The following NPAS3 variants were observed in gnomAD, a reference collection of about 807,000 sequenced individuals.
NPAS3 encodes neuronal PAS domain-containing protein 3.
In NPAS3, 14 loss-of-function variants were observed where a neutral mutation model predicts 73.1. The observed-to-expected ratio is 0.19, with a 90% CI of 0.13 to 0.30. NPAS3 has a LOEUF of 0.30. Ranked by LOEUF, NPAS3 falls within the 10% of genes least tolerant of loss-of-function variation. The pLI, the probability that NPAS3 is intolerant of heterozygous loss-of-function variation, is 1.00. For missense variants in NPAS3, 1,096 were observed against 1,250.0 expected, an observed-to-expected ratio of 0.88 and a Z score of 1.86; for synonymous variants, 620 against 541.5, an observed-to-expected ratio of 1.14 and a Z score of -2.01.
intron 4 of NPAS3, among the ~76,000 whole-genome samples, chr14:33,486,839 T>G (rs1413866391): frequency 6.6e-6 from 1 of 152,182 alleles, no homozygotes; most frequent in Non-Finnish European, 1.5e-5. Flanking sequence ...CCAAACTCAG[T>G]AGACATTTCA....
At position 33,750,138 on chromosome 14, in the gene NPAS3, A is replaced by G. The variant is rs565645250; in HGVS notation, c.852+14806A>G. 5.3e-5 allele frequency among the ~76,000 whole-genome samples: 8 copies of G among 152,186 alleles called. No individual in the cohort carries two copies. The South Asian group carries it at 1.7e-3, about 32-fold the overall frequency. On this transcript the variant is annotated intron_variant, in intron 7 of 11. Coordinates refer to ENST00000356141, the Ensembl canonical transcript of NPAS3. ...AGCTGTGATATTGCAGAGTGACTCCATTCAAAGTACCAAACAGTGAGGCGT... is the reference window on the plus strand; with the variant it reads ...AGCTGTGATATTGCAGAGTGACTCCGTTCAAAGTACCAAACAGTGAGGCGT...
chr14:33,746,626 C>A (rs898695634), intron 7 of NPAS3, among the ~76,000 whole-genome samples: 3 of 151,484 alleles, frequency 2.0e-5, no homozygotes, highest in Admixed American at 2.0e-4. Flanking sequence ...TATGGTTGCA[C>A]ACAGCAACTC....
chr14:33,587,355 C>T lies in NPAS3; in HGVS notation c.558+27145C>T, dbSNP rs537604190. Among the ~76,000 whole-genome samples the T allele has an allele frequency of 4.6e-5, 7 of 152,292 alleles. No individual in the cohort carries two copies. In the East Asian group the frequency reaches 9.6e-4, roughly 21 times the overall value. ...TGTAGAAATTCCTTAAGATGGCAGT[C>T]CAGTGTCCTTATTTAAGATGTGATC... On this transcript the variant is annotated intron_variant, in intron 5 of 11. Transcript: ENST00000356141.
intron 7 of NPAS3, among the ~76,000 whole-genome samples, chr14:33,769,652 CAG>C (rs2062577960): frequency 6.7e-6 from 1 of 150,358 alleles, no homozygotes; most frequent in Non-Finnish European, 1.5e-5. Context: ...ATTAATCAAA[CAG>C]TATTTGTTGA....
At chr14:32,972,575 G>A (rs2037480612) in intron 1 of NPAS3, among the ~76,000 whole-genome samples, 1 of 152,104 alleles carries the variant, frequency 6.6e-6, no homozygotes, top group Non-Finnish European at 1.5e-5. Context: ...AGTACAGATG[G>A]TTGCCAAATT....
intron 7 of NPAS3, among the ~76,000 whole-genome samples, chr14:33,742,380 C>T (rs1040882493): frequency 5.9e-5 from 9 of 152,136 alleles, no homozygotes; most frequent in Non-Finnish European, 1.2e-4. Flanking sequence ...ATAAAACAAA[C>T]GTGGGAATAA....
At chr14:33,423,265 C>G (rs527267842) in intron 4 of NPAS3, among the ~76,000 whole-genome samples, 2 of 151,970 alleles carry the variant, frequency 1.3e-5, no homozygotes, top group African/African-American at 4.8e-5. Flanking sequence ...AATTGATTCT[C>G]CCTGCTGACA....
intron 4 of NPAS3, among the ~76,000 whole-genome samples, chr14:33,536,601 G>A (rs1173100781): frequency 1.3e-5 from 2 of 151,808 alleles, no homozygotes; most frequent in Non-Finnish European, 2.9e-5. Flanking sequence ...AAACCACCAA[G>A]GATAAAAGCT....
At chr14:33,511,076 T>C (rs2053027461) in intron 4 of NPAS3, among the ~76,000 whole-genome samples, 2 of 152,092 alleles carry the variant, frequency 1.3e-5, no homozygotes, top group Non-Finnish European at 2.9e-5. Flanking sequence ...ATAGTTCTTT[T>C]ACTTTTTGAA....
chr14:33,204,650 C>T (rs940561331), intron 2 of NPAS3, among the ~76,000 whole-genome samples: 1 of 151,996 alleles, frequency 6.6e-6, no homozygotes, highest in Non-Finnish European at 1.5e-5. Flanking sequence ...AACCAGCAGC[C>T]GGCAAATGAT....
chr14:33,353,749 C>T (rs551758686), intron 3 of NPAS3, among the ~76,000 whole-genome samples: 22 of 152,198 alleles, frequency 1.4e-4, no homozygotes, highest in South Asian at 6.2e-4. Flanking sequence ...GAGGAGAAAA[C>T]GAAGGTGAGA....
At chr14:33,186,241 A>G (rs887816899) in intron 2 of NPAS3, among the ~76,000 whole-genome samples, 2 of 152,212 alleles carry the variant, frequency 1.3e-5, no homozygotes, top group South Asian at 2.1e-4. Flanking sequence ...CAGTATAAGT[A>G]CACTCTGGTT....
intron 2 of NPAS3, among the ~76,000 whole-genome samples, chr14:33,186,416 T>C (rs2045976858): frequency 6.6e-6 from 1 of 152,238 alleles, no homozygotes; most frequent in Admixed American, 6.5e-5. Context: ...TCTTTTTGCA[T>C]AGATACACTC....
chr14:33,324,631 A>G (rs1044180700), intron 3 of NPAS3, among the ~76,000 whole-genome samples: 26 of 152,220 alleles, frequency 1.7e-4, no homozygotes, highest in African/African-American at 6.3e-4. Context: ...TCATAGCGAT[A>G]GAAAATAATA....
At position 33,086,597 on chromosome 14, in the gene NPAS3, C is replaced by T. The variant is rs75848341; in HGVS notation, c.140+30603C>T. Among the ~76,000 whole-genome samples, 1,254 of 152,222 alleles carry T rather than the reference C, an allele frequency of 8.2e-3. 15 individuals carry two copies. Among genetic ancestry groups the T allele is most frequent in the African/African-American group, 0.028 (1,155 of 41,548 alleles). On this transcript the variant is annotated intron_variant, in intron 2 of 11. Transcript: ENST00000356141. The stretch of plus-strand genomic sequence containing the variant: ...AAATAAATGTTGTCAAGCACAATCA[C>T]GTAAAATCTGAAATGTGGATTTATG...
At chr14:33,069,695 G>GA (rs1437828572) in intron 2 of NPAS3, among the ~76,000 whole-genome samples, 2 of 152,154 alleles carry the variant, frequency 1.3e-5, no homozygotes, top group Non-Finnish European at 2.9e-5. Context: ...AAAATGCTTA[G>GA]AAAAATGCTT....
At position 32,980,353 on chromosome 14, in the gene NPAS3, TAACGC is replaced by T. The variant is rs1241454027; in HGVS notation, c.50+40989_50+40993del. On this transcript the variant is annotated intron_variant, in intron 1 of 11. Transcript: ENST00000356141. Reference sequence around the variant, plus strand: ...GTTTGACTTAGAAACCATGAGGTACTAACGCACTACATTTTTGAATTACTATTGAT... The same window carrying T: ...GTTTGACTTAGAAACCATGAGGTACTACTACATTTTTGAATTACTATTGAT... 2.4e-4 allele frequency among the ~76,000 whole-genome samples: 36 copies of T among 152,336 alleles called. 1 individual carries two copies. The South Asian group carries it at 2.7e-3, about 11-fold the overall frequency.
At chr14:33,725,214 G>A (rs1258204947) in intron 6 of NPAS3, among the ~76,000 whole-genome samples, 1 of 151,992 alleles carries the variant, frequency 6.6e-6, no homozygotes. Flanking sequence ...GTATACTTAT[G>A]TAACAAACCT....
chr14:33,552,528 AAT>A (rs556211541), intron 4 of NPAS3, among the ~76,000 whole-genome samples: 91 of 152,334 alleles, frequency 6.0e-4, no homozygotes, highest in Middle Eastern at 3.4e-3. Flanking sequence ...CAATAAATGC[AAT>A]ATATATTATA....
Sources: allele counts gnomAD v4.1 joint callset (sites outside exome capture counted in the v4.1 genomes callset), GRCh38; gene constraint gnomAD v4.1.1; transcripts MANE v1.5; gene names NCBI Gene and HGNC (gene_info 2026-07-23, HGNC 2026-07-21).